The following STK32C variants were observed in gnomAD, a reference collection of about 807,000 sequenced individuals.
The protein encoded by STK32C is serine/threonine kinase 32C, also known as serine/threonine-protein kinase 32C.
A neutral mutation model predicts 56.5 loss-of-function variants in STK32C; 31 were observed. That is an observed-to-expected ratio of 0.55 (90% CI 0.41 to 0.74). The LOEUF is 0.74. Among genes scored for constraint, STK32C ranks in the 30% least tolerant of loss-of-function variants. The probability of loss-of-function intolerance (pLI) is 0.00; values close to 1 mark genes in which losing one functional copy is unlikely to be tolerated. For missense variants in STK32C, 544 were observed against 676.9 expected, an observed-to-expected ratio of 0.80 and a Z score of 2.18; for synonymous variants, 309 against 289.4, an observed-to-expected ratio of 1.07 and a Z score of -0.69.
intron 2 of STK32C, among the ~76,000 whole-genome samples, chr10:132,237,718 G>A (rs1428605527): frequency 2.0e-5 from 3 of 152,158 alleles, no homozygotes; most frequent in Non-Finnish European, 4.4e-5. Context: ...TCCCCCAAGT[G>A]TGTGCCGGCG....
chr10:132,280,962 T>G (rs2065180164), intron 1 of STK32C, among the ~76,000 whole-genome samples: 1 of 124,028 alleles, frequency 8.1e-6, no homozygotes, highest in African/African-American at 3.2e-5. Context: ...CTGACTACGC[T>G]GAGGCCTCCA....
rs562248910 is a variant in STK32C, at chr10:132,207,883, G to A, written c.*127C>T. ...CGAGCCTGAGGTGTGAAATGTGTCC[G>A]GGGCACTGTGGGCACCGCCAGCCAG... On this transcript the variant is annotated 3_prime_UTR_variant, in exon 12 of 12. Coordinates refer to ENST00000298630, the MANE Select transcript of STK32C (RefSeq NM_173575.4). The A allele has an allele frequency of 1.9e-4, 207 of 1,110,648 alleles. 2 individuals carry two copies. In the East Asian group the frequency reaches 6.2e-3, roughly 33 times the overall value. The allele number at this position is 1,110,648 out of a possible 1,614,324, so 68.8% of individuals were successfully genotyped here.
rs201470285 is a variant in STK32C at position 132,222,613 on chromosome 10, C to T, written c.1251+28G>A. The T allele has an allele frequency of 1.6e-4, 252 of 1,608,428 alleles. No individual in the cohort carries two copies. In the African/African-American group the frequency reaches 2.8e-3, roughly 18 times the overall value. ...AGGAGCCCCAAGCCCAGCCCGCCGC[C>T]GCGCCCTGAGCCTGCCCTGGCACTC... On this transcript the variant is annotated intron_variant, in intron 10 of 11. Transcript: ENST00000298630.
Position 132,249,708 on chromosome 10 carries a change from G to A in STK32C, c.263-3753C>T, listed in dbSNP as rs552859652. On this transcript the variant is annotated intron_variant, in intron 1 of 11. Transcript: ENST00000298630. ...ACCTGGCCTTGCCACTGTGCACAGC[G>A]GCCCTCATGCCCTCCCGACCCCAGC... Among the ~76,000 whole-genome samples, 85 of 152,282 alleles carry A rather than the reference G, an allele frequency of 5.6e-4. 1 individual carries two copies. Among genetic ancestry groups the A allele is most frequent in the South Asian group, 1.2e-3 (6 of 4,824 alleles).
chr10:132,231,011 T>C (rs967079223), intron 2 of STK32C, among the ~76,000 whole-genome samples: 1 of 152,104 alleles, frequency 6.6e-6, no homozygotes, highest in South Asian at 2.1e-4. Context: ...ACCGGGTGTC[T>C]ACTCCAGACA....
intron 1 of STK32C, among the ~76,000 whole-genome samples, chr10:132,330,925 G>A (rs974427147): frequency 6.6e-6 from 1 of 151,550 alleles, no homozygotes; most frequent in African/African-American, 2.4e-5. Flanking sequence ...GAATCAGGCC[G>A]GGCACGGTGG....
chr10:132,208,219 G>A, intron 11 of STK32C, 68 bp from the exon 12 acceptor site: 2 of 1,277,664 alleles, frequency 1.6e-6, no homozygotes, highest in Non-Finnish European at 2.0e-6. Flanking sequence ...CCCATGACCT[G>A]CCCACGGGCT....
intron 1 of STK32C, among the ~76,000 whole-genome samples, chr10:132,315,704 C>A (rs1436949779): frequency 6.6e-6 from 1 of 152,224 alleles, no homozygotes; most frequent in Non-Finnish European, 1.5e-5. Flanking sequence ...TTGGGCAACA[C>A]TCTTAAGCAA....
chr10:132,219,528 A>G (rs2062566661), intron 10 of STK32C, among the ~76,000 whole-genome samples: 1 of 152,102 alleles, frequency 6.6e-6, no homozygotes, highest in Admixed American at 6.5e-5. Context: ...GGCTCTGGAC[A>G]TGCTCTGGTA....
chr10:132,259,993 C>A (rs1402472923), intron 1 of STK32C, among the ~76,000 whole-genome samples: 1 of 152,110 alleles, frequency 6.6e-6, no homozygotes, highest in Non-Finnish European at 1.5e-5. Flanking sequence ...GGGCTCCAGA[C>A]CAAGGGCAGA....
At chr10:132,322,037 G>A (rs930748842), downstream of STK32C, among the ~76,000 whole-genome samples, 1 of 152,142 alleles carries the variant, frequency 6.6e-6, no homozygotes, top group African/African-American at 2.4e-5. Context: ...TCACAGCAGC[G>A]GGTTCCGTGG....
At chr10:132,319,535 G>A (rs2066365763), downstream of STK32C, among the ~76,000 whole-genome samples, 1 of 152,146 alleles carries the variant, frequency 6.6e-6, no homozygotes, top group Non-Finnish European at 1.5e-5. Context: ...CTACACGGAT[G>A]GACCTCAAAA....
rs373640944 is a variant in STK32C at position 132,233,577 on chromosome 10, G to C, written c.319-5449C>G. Reference sequence around the variant, plus strand: ...GGTGGACCCTGGCAAGCTCACCAAGGGGCCTGGGTGGCGGCTGTAGTGGCC... The same window carrying C: ...GGTGGACCCTGGCAAGCTCACCAAGCGGCCTGGGTGGCGGCTGTAGTGGCC... On this transcript the variant is annotated intron_variant, in intron 2 of 11. Coordinates refer to ENST00000298630, the MANE Select transcript of STK32C (RefSeq NM_173575.4). Among the ~76,000 whole-genome samples, 567 of 152,338 alleles carry C rather than the reference G, an allele frequency of 3.7e-3. 13 individuals are homozygous for C. In the South Asian group the frequency reaches 0.064, roughly 17 times the overall value.
chr10:132,311,437 C>A (rs561181455), upstream of STK32C, among the ~76,000 whole-genome samples: 16 of 152,348 alleles, frequency 1.1e-4, no homozygotes, highest in South Asian at 2.1e-4. This position sits in a 1 kb window ranked among gnomAD's most constrained non-coding sequence, Gnocchi z 4.4. Context: ...CAGATTCAGC[C>A]CTGGCGGGGC....
At chr10:132,252,045 T>G (rs1220450353) in intron 1 of STK32C, among the ~76,000 whole-genome samples, 1 of 152,028 alleles carries the variant, frequency 6.6e-6, no homozygotes, top group East Asian at 1.9e-4. Context: ...GACCCACGCC[T>G]CCCCCTCACA....
intron 2 of STK32C, among the ~76,000 whole-genome samples, chr10:132,236,673 C>A (rs532079646): frequency 2.0e-4 from 30 of 152,324 alleles, no homozygotes; most frequent in African/African-American, 7.2e-4. Flanking sequence ...CTATCCCCCA[C>A]CCACCCCAGT....
chr10:132,263,560 G>A (rs560181148), intron 1 of STK32C, among the ~76,000 whole-genome samples: 2 of 152,020 alleles, frequency 1.3e-5, no homozygotes, highest in Non-Finnish European at 1.5e-5. Flanking sequence ...CCCAGGCAAC[G>A]AACCTGCACC....
chr10:132,319,009 C>A (rs896972139), intron 1 of STK32C, among the ~76,000 whole-genome samples: 1 of 152,146 alleles, frequency 6.6e-6, no homozygotes, highest in African/African-American at 2.4e-5. Context: ...AGTGCAGTGG[C>A]GTGATCTTGG....
At chr10:132,225,822 C>T in intron 4 of STK32C, 38 bp from the exon 5 acceptor site, 1 of 1,612,404 alleles carries the variant, frequency 6.2e-7, no homozygotes, top group Non-Finnish European at 8.5e-7. Context: ...AGTTGGGAAT[C>T]TGCCCTGTTT....
Sources: gnomAD v4.1 joint callset for allele counts (sites outside exome capture counted in the v4.1 genomes callset) on GRCh38, gnomAD v4.1.1 for gene constraint, Gnocchi (gnomAD v3.1) non-coding constraint, MANE v1.5 for transcripts, NCBI Gene and HGNC (gene_info 2026-07-23, HGNC 2026-07-21) for gene names.